CYP39A1: variants seen among roughly 807,000 people sequenced by gnomAD.
The protein encoded by CYP39A1 is cytochrome P450 family 39 subfamily A member 1.
Under a neutral mutation model 58.1 loss-of-function variants are expected in CYP39A1, and 49 were observed. The ratio of observed to expected loss-of-function variants is 0.84; its 90% CI spans 0.67 to 1.07. CYP39A1 has a LOEUF of 1.07. CYP39A1 is among the 50% of genes least tolerant of loss of function. The pLI is 0.00. For missense variants in CYP39A1, 531 were observed against 539.4 expected (o/e 0.98, Z 0.16); for synonymous variants, 209 against 187.6 (o/e 1.11, Z -0.93).
At chr6:46,613,425 A>G (rs1408327958) in intron 7 of CYP39A1, among the ~76,000 whole-genome samples, 1 of 152,220 alleles carries the variant, frequency 6.6e-6, no homozygotes, top group Non-Finnish European at 1.5e-5. Flanking sequence ...CTCTAATCCA[A>G]TGAAAATTCT....
chr6:46,613,939 C>CAAAA (rs34289054), intron 7 of CYP39A1, among the ~76,000 whole-genome samples: 3 of 121,078 alleles, frequency 2.5e-5, no homozygotes, highest in Admixed American at 8.0e-5. Flanking sequence ...CACAAAGAAG[C>CAAAA]AAAAAAAAAA....
intron 8 of CYP39A1, among the ~76,000 whole-genome samples, chr6:46,595,199 C>A (rs189315642): frequency 2.0e-5 from 3 of 151,960 alleles, no homozygotes; most frequent in Admixed American, 2.0e-4. Flanking sequence ...AACACTTGCA[C>A]ACTATCGGTG....
At chr6:46,598,418 G>A (rs1303284929) in intron 7 of CYP39A1, among the ~76,000 whole-genome samples, 1 of 152,102 alleles carries the variant, frequency 6.6e-6, no homozygotes, top group African/African-American at 2.4e-5. Flanking sequence ...AAACTTTCGT[G>A]CACATGGCAT....
At chr6:46,560,226 A>G (rs2150482399) in intron 10 of CYP39A1, among the ~76,000 whole-genome samples, 1 of 152,294 alleles carries the variant, frequency 6.6e-6, no homozygotes, top group South Asian at 2.1e-4. Context: ...CAAGCTCTGA[A>G]AGGATCCTTC....
chr6:46,646,395 G>C (rs150008516), intron 1 of CYP39A1, among the ~76,000 whole-genome samples: 1 of 152,108 alleles, frequency 6.6e-6, no homozygotes, highest in East Asian at 1.9e-4. Context: ...TCTTTAGCTT[G>C]TTAATACAGC....
In CYP39A1 at chr6:46,575,746, C is replaced by T. The variant is rs184187470; in HGVS notation, c.1250+11331G>A. 2.6e-4 allele frequency among the ~76,000 whole-genome samples: 40 copies of T among 152,260 alleles called. No individual in the cohort carries two copies. In the East Asian group the frequency reaches 6.2e-3, roughly 24 times the overall value. On this transcript the variant is annotated intron_variant, in intron 10 of 11. Coordinates refer to ENST00000275016, the MANE Select transcript of CYP39A1 (RefSeq NM_016593.5). ...CAGCCCGTGCTTTAATCTCAAGGGG[C>T]CCCAGAACAAAGCTGTGGGCCTGCT...
chr6:46,567,066 G>A (rs540930939), intron 10 of CYP39A1, among the ~76,000 whole-genome samples: 1 of 152,068 alleles, frequency 6.6e-6, no homozygotes, highest in African/African-American at 2.4e-5. Flanking sequence ...TAATTATAGT[G>A]ACCATACTGT....
At chr6:46,566,823 A>G (rs1233719541) in intron 10 of CYP39A1, among the ~76,000 whole-genome samples, 1 of 149,564 alleles carries the variant, frequency 6.7e-6, no homozygotes, top group Non-Finnish European at 1.5e-5. Flanking sequence ...TTAAAGCACA[A>G]AATGAGATGA....
At chr6:46,561,175 T>A (rs1770949728) in intron 10 of CYP39A1, among the ~76,000 whole-genome samples, 1 of 152,144 alleles carries the variant, frequency 6.6e-6, no homozygotes, top group Non-Finnish European at 1.5e-5. Flanking sequence ...CTAGAAAAAA[T>A]GCTGGCTAAT....
At chr6:46,625,727 C>T (rs895281594) in intron 6 of CYP39A1, among the ~76,000 whole-genome samples, 1 of 151,764 alleles carries the variant, frequency 6.6e-6, no homozygotes, top group African/African-American at 2.4e-5. Flanking sequence ...TATTTTGTCA[C>T]TATAATTTAA....
At chr6:46,601,988 T>C (rs1773536685) in intron 7 of CYP39A1, among the ~76,000 whole-genome samples, 1 of 152,186 alleles carries the variant, frequency 6.6e-6, no homozygotes, top group South Asian at 2.1e-4. Flanking sequence ...ATTTCCCTTA[T>C]AGTTCCTATT....
At chr6:46,585,184 G>A (rs1734470478) in intron 10 of CYP39A1, among the ~76,000 whole-genome samples, 1 of 152,160 alleles carries the variant, frequency 6.6e-6, no homozygotes, top group South Asian at 2.1e-4. Flanking sequence ...AGCGCCTCTT[G>A]GAAACAATAG....
At chr6:46,632,592 T>C (rs752085795) in intron 5 of CYP39A1, among the ~76,000 whole-genome samples, 4 of 151,940 alleles carry the variant, frequency 2.6e-5, no homozygotes, top group Non-Finnish European at 4.4e-5. Context: ...TAATTGTTTT[T>C]ATCTGTTCCT....
At chr6:46,555,008 C>T (rs1182002457) in intron 10 of CYP39A1, among the ~76,000 whole-genome samples, 1 of 151,758 alleles carries the variant, frequency 6.6e-6, no homozygotes, top group African/African-American at 2.4e-5. Context: ...TTCTAAAACA[C>T]ATATCTTCAC....
intron 10 of CYP39A1, among the ~76,000 whole-genome samples, chr6:46,554,868 T>C (rs1770591642): frequency 6.6e-6 from 1 of 152,116 alleles, no homozygotes; most frequent in African/African-American, 2.4e-5. Flanking sequence ...TTATCTCCAG[T>C]CCCTCCATGA....
chr6:46,638,409 G>A (rs1776130290), intron 3 of CYP39A1, among the ~76,000 whole-genome samples: 2 of 152,010 alleles, frequency 1.3e-5, no homozygotes, highest in Admixed American at 1.3e-4. Context: ...ATTTCTCACA[G>A]GATCCCATAA....
At chr6:46,624,978 T>G (rs1775217437) in intron 7 of CYP39A1, among the ~76,000 whole-genome samples, 1 of 152,164 alleles carries the variant, frequency 6.6e-6, no homozygotes, top group African/African-American at 2.4e-5. Context: ...TTAATAATCC[T>G]TTGGTAGCAA....
intron 8 of CYP39A1, among the ~76,000 whole-genome samples, chr6:46,588,620 G>C (rs959159795): frequency 6.6e-6 from 1 of 151,678 alleles, no homozygotes; most frequent in African/African-American, 2.4e-5. Flanking sequence ...AGGGGCAGAG[G>C]ATGTCCTGTT....
At chr6:46,644,086 C>T (rs955253842) in intron 1 of CYP39A1, among the ~76,000 whole-genome samples, 1 of 152,172 alleles carries the variant, frequency 6.6e-6, no homozygotes, top group African/African-American at 2.4e-5. Context: ...TCCATCACCA[C>T]AAAGATCTTA....
Sources: gnomAD v4.1 joint callset for allele counts (sites outside exome capture counted in the v4.1 genomes callset) on GRCh38, gnomAD v4.1.1 for gene constraint, MANE v1.5 for transcripts, NCBI Gene and HGNC (gene_info 2026-07-23, HGNC 2026-07-21) for gene names.